COL4A1: variants seen among roughly 807,000 people sequenced by gnomAD.
The protein encoded by COL4A1 is collagen alpha-1(IV) chain.
Under a neutral mutation model 216.6 loss-of-function variants are expected in COL4A1, and 40 were observed. The ratio of observed to expected loss-of-function variants is 0.18; its 90% confidence interval spans 0.14 to 0.24. COL4A1 has a LOEUF of 0.24. Among genes scored for constraint, COL4A1 ranks in the 10% least tolerant of loss-of-function variants. The pLI is 1.00. For synonymous variants in COL4A1, 839 were observed against 810.7 expected (o/e 1.03, Z -0.59); for missense variants, 1,628 against 2,196.8 (o/e 0.74, Z 5.18).
rs1364209841 is a variant in COL4A1, at chr13:110,268,322, G to A, written c.85-25588C>T. ...GATGCCTGTCGTGCCAGGCTCAGGA[G>A]CTTGGACCTGAATGCAAAAGATGGC... On this transcript the variant is annotated intron_variant, in intron 1 of 51. Transcript: ENST00000375820. This position sits in a 1 kb window ranked among gnomAD's most constrained non-coding sequence, Gnocchi z 4.1. Among the ~76,000 whole-genome samples, 1 of 152,186 alleles carries A rather than the reference G, an allele frequency of 6.6e-6. No individual in the cohort carries two copies. Among genetic ancestry groups the A allele is most frequent in the Non-Finnish European group, 1.5e-5 (1 of 68,032 alleles).
chr13:110,172,614 C>T, intron 41 of COL4A1, 106 bp downstream of exon 41: 1 of 1,106,226 alleles, frequency 9.0e-7, no homozygotes, highest in Non-Finnish European at 1.4e-6. Context: ...CCCGTTGCTG[C>T]CTGGCCAACA....
chr13:110,169,556 C>G (rs1877509681), intron 43 of COL4A1, 73 bp downstream of exon 43: 2 of 1,603,428 alleles, frequency 1.2e-6, no homozygotes, highest in Non-Finnish European at 1.7e-6. Flanking sequence ...TACATACACA[C>G]ATAGACACAT....
intron 1 of COL4A1, among the ~76,000 whole-genome samples, chr13:110,283,503 C>T (rs1249501575): frequency 1.3e-5 from 2 of 152,208 alleles, no homozygotes; most frequent in Non-Finnish European, 2.9e-5. Context: ...GGCACACGCA[C>T]ACTCTCACGC....
At chr13:110,209,455 A>G (rs765229970) in intron 10 of COL4A1, 28 bp from the exon 11 acceptor site, 55 of 1,539,530 alleles carry the variant, frequency 3.6e-5, no homozygotes, top group Non-Finnish European at 4.1e-5. Context: ...TTAATTAAAT[A>G]GGATTCAGAA....
intron 51 of COL4A1, among the ~76,000 whole-genome samples, chr13:110,150,953 T>C (rs1371296134): frequency 6.6e-6 from 1 of 152,208 alleles, no homozygotes; most frequent in East Asian, 1.9e-4. Context: ...GAAATACTTT[T>C]ATAACTTTTG....
At chr13:110,202,632 G>A (rs997753905) in intron 18 of COL4A1, among the ~76,000 whole-genome samples, 2 of 152,016 alleles carry the variant, frequency 1.3e-5, no homozygotes, top group Non-Finnish European at 2.9e-5. Flanking sequence ...AGGAGAGAAC[G>A]GTAACATTTT....
chr13:110,192,873 T>A lies in COL4A1; in HGVS notation c.1422A>T (p.Gly474=), dbSNP rs1339290101. The part of the protein sequence containing the change: ...GESCLICDID[G]YRGPPGPQGP... ...CCTGTGGCCCGGGAGGCCCCCGATA[T>A]CCGTCTATATCACAGATGAGGCAAC... Residue 474 remains glycine, a synonymous_variant, in exon 23 of 52, where the codon GGA becomes GGT. Transcript: ENST00000375820. The A allele has an allele frequency of 1.9e-6, 3 of 1,614,062 alleles. No homozygotes were observed.
Position 110,260,289 on chromosome 13 carries a change from C to G in COL4A1, c.85-17555G>C, listed in dbSNP as rs78734018. ...GGGGAACTCCCATTTATAAAACCGT[C>G]GCAACTCTTGAGACTTATTCGCTAC... On this transcript the variant is annotated intron_variant, in intron 1 of 51. Transcript: ENST00000375820. 6.7e-3 allele frequency among the ~76,000 whole-genome samples: 1,013 copies of G among 152,286 alleles called. 7 individuals carry two copies. Among genetic ancestry groups the G allele is most frequent in the Non-Finnish European group, 0.011 (736 of 68,022 alleles).
intron 43 of COL4A1, among the ~76,000 whole-genome samples, chr13:110,168,933 G>A (rs563058828): frequency 5.7e-4 from 87 of 152,246 alleles, no homozygotes; most frequent in Non-Finnish European, 1.0e-3. Context: ...AGCGAGCCAC[G>A]TAAACACAAT....
chr13:110,289,436 C>T (rs1406873205), intron 1 of COL4A1, among the ~76,000 whole-genome samples: 2 of 152,102 alleles, frequency 1.3e-5, no homozygotes, highest in South Asian at 2.1e-4. Context: ...GCGCACCCAC[C>T]CTGACCCCCT....
At position 110,211,292 on chromosome 13, in the gene COL4A1, C is replaced by T. The variant is rs146548585; in HGVS notation, c.468+355G>A. On this transcript the variant is annotated intron_variant, in intron 8 of 51. Transcript: ENST00000375820. This position sits in a 1 kb window ranked among gnomAD's most constrained non-coding sequence, Gnocchi z 4.3. ...AGCCGAGCCCCAAGACATCAACACC[C>T]CGCCTGGGAAAAGCTGCCCCAGGTT... Among the ~76,000 whole-genome samples, 4 of 152,204 alleles carry T rather than the reference C, an allele frequency of 2.6e-5. No homozygotes were observed. Among genetic ancestry groups the T allele is most frequent in the African/African-American group, 9.6e-5 (4 of 41,452 alleles).
At chr13:110,245,924 C>T (rs939811341) in intron 1 of COL4A1, among the ~76,000 whole-genome samples, 1 of 152,138 alleles carries the variant, frequency 6.6e-6, no homozygotes, top group African/African-American at 2.4e-5. Flanking sequence ...GGCCTTCCCC[C>T]ACCACCTTAC....
At chr13:110,246,033 C>T (rs1881792761) in intron 1 of COL4A1, among the ~76,000 whole-genome samples, 1 of 151,678 alleles carries the variant, frequency 6.6e-6, no homozygotes, top group African/African-American at 2.4e-5. Context: ...AAAAATTGAT[C>T]ATTCCAAAAA....
intron 1 of COL4A1, chr13:110,265,160 A>T (rs903353): frequency 0.44 from 66,211 of 151,794 alleles, 15,077 homozygotes; most frequent in East Asian, 0.61. Flanking sequence ...GTGGAGTGTG[A>T]CCTCACTTCC....
At chr13:110,239,407 G>A (rs1881460103) in intron 2 of COL4A1, among the ~76,000 whole-genome samples, 1 of 152,160 alleles carries the variant, frequency 6.6e-6, no homozygotes, top group Non-Finnish European at 1.5e-5. Flanking sequence ...ATATGTCTTA[G>A]AAGTAATAAT....
Position 110,151,064 on chromosome 13 carries a change from T to C in COL4A1, c.4929-620A>G, listed in dbSNP as rs548905174. ...GCTTAGAAACTCTACATTATTTTGA[T>C]TGTTGAAAAGGTAAAATCTGAACTA... is the stretch of plus-strand genomic sequence containing the variant. On this transcript the variant is annotated intron_variant, in intron 51 of 51. Coordinates refer to ENST00000375820, the MANE Select transcript of COL4A1 (RefSeq NM_001845.6). Among the ~76,000 whole-genome samples, 3 of 152,310 alleles carry C rather than the reference T, an allele frequency of 2.0e-5. No individual in the cohort carries two copies. The South Asian group carries it at 6.2e-4, about 32-fold the overall frequency.
intron 2 of COL4A1, among the ~76,000 whole-genome samples, chr13:110,230,778 G>A (rs1054279951): frequency 6.6e-6 from 1 of 152,246 alleles, no homozygotes; most frequent in Non-Finnish European, 1.5e-5. Context: ...GACACCTGTG[G>A]AGCCACGGTC....
chr13:110,281,121 C>T (rs1883617219), intron 1 of COL4A1, among the ~76,000 whole-genome samples: 1 of 152,142 alleles, frequency 6.6e-6, no homozygotes, highest in Non-Finnish European at 1.5e-5. Flanking sequence ...ACATCTTTGA[C>T]ACCATCAACT....
chr13:110,211,478 T>C lies in COL4A1; in HGVS notation c.468+169A>G, dbSNP rs1442559108. The stretch of plus-strand genomic sequence containing the variant: ...TGTCTGAACGTTAGAGTCTGAGATC[T>C]GAGTTTGTGGGTTACTTGTACAGTC... On this transcript the variant is annotated intron_variant, in intron 8 of 51. Coordinates refer to ENST00000375820, the MANE Select transcript of COL4A1 (RefSeq NM_001845.6). The surrounding 1 kb of genome is among the most constrained non-coding windows in gnomAD (Gnocchi z 4.3). Among the ~76,000 whole-genome samples, 1 of 152,226 alleles carries C rather than the reference T, an allele frequency of 6.6e-6. No individual in the cohort carries two copies. Among genetic ancestry groups the C allele is most frequent in the Admixed American group, 6.5e-5 (1 of 15,286 alleles).
Sources: allele counts gnomAD v4.1 joint callset (sites outside exome capture counted in the v4.1 genomes callset), GRCh38; gene constraint gnomAD v4.1.1; non-coding constraint Gnocchi (gnomAD v3.1); transcripts MANE v1.5; gene names NCBI Gene and HGNC (gene_info 2026-07-23, HGNC 2026-07-21).